Variants in GALNT2 observed in about 807,000 individuals in gnomAD.
GALNT2 encodes UDP-GalNAc:polypeptide N-acetylgalactosaminyltransferase 2.
Under a neutral mutation model 81.4 loss-of-function variants are expected in GALNT2, and 31 were observed. That is an observed-to-expected ratio of 0.38 (90% CI 0.29 to 0.51). The LOEUF (loss-of-function observed/expected upper bound fraction) is 0.51, where lower values mean the gene tolerates loss of function less well. Ranked by LOEUF, GALNT2 falls within the 20% of genes least tolerant of loss-of-function variation. The probability of loss-of-function intolerance (pLI) is 0.87; values close to 1 mark genes in which losing one functional copy is unlikely to be tolerated. For synonymous variants in GALNT2, 303 were observed against 287.4 expected (o/e 1.05, Z -0.55); for missense variants, 629 against 765.7 (o/e 0.82, Z 2.11).
intron 1 of GALNT2, among the ~76,000 whole-genome samples, chr1:230,073,516 A>T (rs766270657): frequency 1.3e-5 from 2 of 152,188 alleles, no homozygotes; most frequent in Non-Finnish European, 2.9e-5. Context: ...GCACTTAGTC[A>T]TGTCTACTAG....
chr1:230,225,625 G>C (rs1664683279), intron 3 of GALNT2, among the ~76,000 whole-genome samples: 1 of 151,728 alleles, frequency 6.6e-6, no homozygotes, highest in Non-Finnish European at 1.5e-5. Flanking sequence ...CAGGGGGTCA[G>C]ATTGTGGTAG....
chr1:230,129,813 T>C (rs557619096), intron 1 of GALNT2, among the ~76,000 whole-genome samples: 1 of 152,376 alleles, frequency 6.6e-6, no homozygotes, highest in Admixed American at 6.5e-5. Flanking sequence ...CTGGTTGACC[T>C]GACACTGAAA....
At chr1:230,105,107 T>C (rs1227518959) in intron 1 of GALNT2, among the ~76,000 whole-genome samples, 3 of 152,228 alleles carry the variant, frequency 2.0e-5, no homozygotes, top group Non-Finnish European at 4.4e-5. Context: ...GCTGCTGTGC[T>C]GTTAGATCCA....
rs565243341 is a variant in GALNT2 at position 230,081,462 on chromosome 1, C to T, written c.126+14056C>T. Among the ~76,000 whole-genome samples the T allele has an allele frequency of 6.2e-4, 94 of 150,978 alleles. 1 individual carries two copies. Among genetic ancestry groups the T allele is most frequent in the Middle Eastern group, 3.4e-3 (1 of 294 alleles). Reference sequence around the variant, plus strand: ...TATTGGCAATTGGATTTTTCAACATCTTGAGCTGTTACTATCTGAATATAG... The same window carrying T: ...TATTGGCAATTGGATTTTTCAACATTTTGAGCTGTTACTATCTGAATATAG... On this transcript the variant is annotated intron_variant, in intron 1 of 15. Transcript: ENST00000366672.
rs542559907 is a variant in GALNT2 at position 230,203,329 on chromosome 1, C to T, written c.374+39C>T. The stretch of plus-strand genomic sequence containing the variant: ...TAAGCACCTGCTGCAGCTTCATTTG[C>T]TTTCACACAAACCAGTACGTCGCTT... On this transcript the variant is annotated intron_variant, in intron 3 of 15. Transcript: ENST00000366672. 3 of 1,605,706 alleles carry T rather than the reference C, an allele frequency of 1.9e-6. No individual in the cohort carries two copies. The South Asian group carries it at 3.3e-5, about 18-fold the overall frequency.
chr1:230,250,412 A>G, intron 9 of GALNT2, 45 bp from the exon 10 acceptor site: 1 of 1,469,082 alleles, frequency 6.8e-7, no homozygotes, highest in Non-Finnish European at 9.5e-7. Context: ...TCTAACCTTG[A>G]CTTTGCCCTC....
intron 2 of GALNT2, among the ~76,000 whole-genome samples, chr1:230,180,806 A>C (rs139066089): frequency 2.0e-5 from 3 of 152,148 alleles, no homozygotes; most frequent in African/African-American, 7.2e-5. Context: ...AGTTTTCCTC[A>C]TACAGAATTT....
At chr1:230,105,892 C>T (rs536590267) in intron 1 of GALNT2, among the ~76,000 whole-genome samples, 4 of 152,152 alleles carry the variant, frequency 2.6e-5, no homozygotes, top group Non-Finnish European at 5.9e-5. Context: ...AGATCCAGCG[C>T]TGTATCTGCC....
At chr1:230,189,613 G>A (rs1385614789) in intron 2 of GALNT2, among the ~76,000 whole-genome samples, 3 of 152,160 alleles carry the variant, frequency 2.0e-5, no homozygotes. Flanking sequence ...TGACTTAATG[G>A]GTTCTGGCAT....
chr1:230,277,523 G>T (rs552592730), intron 15 of GALNT2, among the ~76,000 whole-genome samples: 1 of 152,328 alleles, frequency 6.6e-6, no homozygotes, highest in South Asian at 2.1e-4. Context: ...AACAGCATGA[G>T]GGGTGATTGA....
intron 8 of GALNT2, among the ~76,000 whole-genome samples, chr1:230,247,889 A>C (rs1330545441): frequency 6.6e-6 from 1 of 152,226 alleles, no homozygotes; most frequent in East Asian, 1.9e-4. Flanking sequence ...ACATCAAAAA[A>C]ACAAAGGAAA....
At chr1:230,082,626 G>A (rs1257333207) in intron 1 of GALNT2, among the ~76,000 whole-genome samples, 1 of 152,228 alleles carries the variant, frequency 6.6e-6, no homozygotes, top group African/African-American at 2.4e-5. Context: ...TGTAGTGGCT[G>A]CCAGGAGAGG....
At chr1:230,174,347 T>C (rs1301877230) in intron 1 of GALNT2, among the ~76,000 whole-genome samples, 1 of 152,150 alleles carries the variant, frequency 6.6e-6, no homozygotes, top group Non-Finnish European at 1.5e-5. Flanking sequence ...CTGAGTGGTC[T>C]CCCTCCTGCT....
At chr1:230,263,126 A>G (rs771601682) in intron 13 of GALNT2, 121 bp downstream of exon 13, 77 of 775,710 alleles carry the variant, frequency 9.9e-5, no homozygotes, top group Non-Finnish European at 1.6e-4. Context: ...CCTGGGCCCC[A>G]GTGAGAGCCT....
chr1:230,258,332 C>T (rs867357929), intron 11 of GALNT2, among the ~76,000 whole-genome samples: 8 of 151,884 alleles, frequency 5.3e-5, no homozygotes, highest in African/African-American at 7.3e-5. Flanking sequence ...CGGATTCAAG[C>T]GACTCCCCTG....
chr1:230,135,487 G>T (rs542329578), intron 1 of GALNT2, among the ~76,000 whole-genome samples: 1 of 152,252 alleles, frequency 6.6e-6, no homozygotes, highest in African/African-American at 2.4e-5. Context: ...GAATTGTCAG[G>T]CATGAGCCAC....
intron 1 of GALNT2, among the ~76,000 whole-genome samples, chr1:230,139,008 C>G (rs1046024580): frequency 2.6e-5 from 4 of 152,126 alleles, no homozygotes; most frequent in Non-Finnish European, 5.9e-5. Context: ...AGGTCTCAGC[C>G]TCATTTTACC....
At chr1:230,175,599 T>TCCTCCTCCCCCTCCCTCTCC (rs1662948232) in intron 1 of GALNT2, among the ~76,000 whole-genome samples, 1 of 46,948 alleles carries the variant, frequency 2.1e-5, no homozygotes, top group African/African-American at 1.9e-4. Flanking sequence ...CGTCCCCTCC[T>TCCTCCTCCCCCTCCCTCTCC]CGTCCTCCTC....
Position 230,274,437 on chromosome 1 carries a change from T to C in GALNT2, c.1441-8T>C, listed in dbSNP as rs1572164673. 2 of 1,612,956 alleles carry C rather than the reference T, an allele frequency of 1.2e-6. No individual in the cohort carries two copies. Among genetic ancestry groups the C allele is most frequent in the Non-Finnish European group, 1.7e-6 (2 of 1,179,442 alleles). On this transcript the variant is annotated splice_region_variant and splice_polypyrimidine_tract_variant and intron_variant, in intron 14 of 15. Coordinates refer to ENST00000366672, the MANE Select transcript of GALNT2 (RefSeq NM_004481.5). The stretch of plus-strand genomic sequence containing the variant: ...AGCACGCCTCTGACTTCTGGTTTTG[T>C]GTTCCAGGAATGGGCCTTGACGAAG...
Sources: allele counts gnomAD v4.1 joint callset (sites outside exome capture counted in the v4.1 genomes callset), GRCh38; gene constraint gnomAD v4.1.1; transcripts MANE v1.5; gene names NCBI Gene and HGNC (gene_info 2026-07-23, HGNC 2026-07-21).